SAMMSON: variants seen among roughly 807,000 people sequenced by gnomAD.
The protein encoded by SAMMSON is survival associated mitochondrial melanoma specific oncogenic non-coding RNA, also known as long intergenic non-protein coding RNA 1212.
chr3:70,023,482 A>T (rs897576075), intron 3 of SAMMSON, among the ~76,000 whole-genome samples: 7 of 151,524 alleles, frequency 4.6e-5, no homozygotes, highest in African/African-American at 1.2e-4. Flanking sequence ...AAGTTTCTTT[A>T]TTTCTTTATA....
intron 7 of SAMMSON, among the ~76,000 whole-genome samples, chr3:70,342,472 G>A (rs1402793990): frequency 5.9e-5 from 9 of 152,190 alleles, no homozygotes; most frequent in Admixed American, 5.9e-4. Flanking sequence ...GTGTACACCA[G>A]TGTAGTTGGC....
chr3:70,206,824 C>G (rs1003405608), intron 4 of SAMMSON: 2 of 397,068 alleles, frequency 5.0e-6, no homozygotes, highest in Non-Finnish European at 8.9e-6. Flanking sequence ...ATACAGAAAC[C>G]CACTATGGTT....
intron 6 of SAMMSON, among the ~76,000 whole-genome samples, chr3:70,257,084 G>A (rs974319477): frequency 1.3e-5 from 2 of 152,246 alleles, no homozygotes; most frequent in East Asian, 1.9e-4. Flanking sequence ...TGAAAAATGA[G>A]AGAGGATATT....
chr3:70,279,983 A>G (rs1227599794), intron 6 of SAMMSON, among the ~76,000 whole-genome samples: 1 of 152,148 alleles, frequency 6.6e-6, no homozygotes, highest in Non-Finnish European at 1.5e-5. Flanking sequence ...AACAAAGTAC[A>G]ACCTTGGTGG....
At chr3:70,154,119 G>C (rs2067582571) in intron 4 of SAMMSON, among the ~76,000 whole-genome samples, 1 of 151,530 alleles carries the variant, frequency 6.6e-6, no homozygotes, top group Non-Finnish European at 1.5e-5. Context: ...CACAGTGTTA[G>C]GGGCTATTTA....
At chr3:70,021,962 G>A (rs563152231) in intron 3 of SAMMSON, among the ~76,000 whole-genome samples, 29 of 152,190 alleles carry the variant, frequency 1.9e-4, no homozygotes, top group African/African-American at 7.0e-4. Context: ...TTATCAAGGG[G>A]AAGAAAGACT....
rs369236121 is a variant in SAMMSON at position 70,243,208 on chromosome 3, T to A, written n.508-5899T>A. The stretch of plus-strand genomic sequence containing the variant: ...ACATCTTGTTAAGGTCTGTTGAGGA[T>A]TGGGGGCTGTGACACAATTTTCTTG... On this transcript the variant is annotated intron_variant and non_coding_transcript_variant, in intron 4 of 9. Transcript: ENST00000642114. 9.2e-5 allele frequency among the ~76,000 whole-genome samples: 14 copies of A among 152,088 alleles called. No individual in the cohort carries two copies. In the East Asian group the frequency reaches 2.1e-3, roughly 23 times the overall value.
intron 2 of SAMMSON, among the ~76,000 whole-genome samples, chr3:70,415,649 T>C (rs1701258886): frequency 6.6e-6 from 1 of 152,202 alleles, no homozygotes; most frequent in Non-Finnish European, 1.5e-5. Flanking sequence ...AATTGTCAGG[T>C]GAGGTCAATC....
chr3:70,130,962 T>C (rs2067480155), intron 4 of SAMMSON, among the ~76,000 whole-genome samples: 1 of 152,176 alleles, frequency 6.6e-6, no homozygotes, highest in South Asian at 2.1e-4. Context: ...GGTTTTGGGA[T>C]AGTTTATTAT....
At chr3:70,034,299 T>A (rs371446913) in intron 3 of SAMMSON, among the ~76,000 whole-genome samples, 10 of 152,188 alleles carry the variant, frequency 6.6e-5, no homozygotes, top group East Asian at 3.8e-4. Flanking sequence ...GTGTATGAAG[T>A]TTGACTGTCT....
chr3:70,079,276 A>G (rs889119296), intron 4 of SAMMSON, among the ~76,000 whole-genome samples: 4 of 152,170 alleles, frequency 2.6e-5, no homozygotes, highest in Non-Finnish European at 4.4e-5. Flanking sequence ...ATCTCTTCTT[A>G]ACTCTAGGTC....
intron 3 of SAMMSON, among the ~76,000 whole-genome samples, chr3:70,021,022 T>G (rs2067011178): frequency 6.6e-6 from 1 of 152,194 alleles, no homozygotes; most frequent in African/African-American, 2.4e-5. Context: ...GAGATTATGA[T>G]GCCATAGCTT....
chr3:70,042,061 C>T (rs1438577137), intron 3 of SAMMSON, among the ~76,000 whole-genome samples: 1 of 152,066 alleles, frequency 6.6e-6, no homozygotes, highest in Admixed American at 6.6e-5. Flanking sequence ...CTCTGAACTT[C>T]ATTCGACACT....
chr3:70,123,062 A>C (rs1348727094), intron 4 of SAMMSON, among the ~76,000 whole-genome samples: 1 of 152,180 alleles, frequency 6.6e-6, no homozygotes, highest in Non-Finnish European at 1.5e-5. Context: ...TCCTAGATAA[A>C]TAGTTACAGC....
intron 4 of SAMMSON, among the ~76,000 whole-genome samples, chr3:70,186,002 T>A (rs1269608948): frequency 6.6e-6 from 1 of 151,972 alleles, no homozygotes; most frequent in East Asian, 1.9e-4. Context: ...ACAAAAATTT[T>A]ATGCCATAGT....
intron 4 of SAMMSON, among the ~76,000 whole-genome samples, chr3:70,181,896 T>G (rs987325915): frequency 7.2e-5 from 11 of 152,160 alleles, no homozygotes; most frequent in African/African-American, 2.7e-4. Context: ...TAATTGGCGA[T>G]TTAGTATCAG....
chr3:70,329,014 T>G (rs1017315004), intron 7 of SAMMSON, among the ~76,000 whole-genome samples: 5 of 152,246 alleles, frequency 3.3e-5, no homozygotes, highest in African/African-American at 1.2e-4. Context: ...AGAAGACAGT[T>G]GTGCAACTTT....
chr3:70,190,797 A>G (rs1478048471), intron 4 of SAMMSON, among the ~76,000 whole-genome samples: 1 of 152,172 alleles, frequency 6.6e-6, no homozygotes, highest in Non-Finnish European at 1.5e-5. Flanking sequence ...CATCCCTTAG[A>G]ATACCATCTT....
intron 4 of SAMMSON, among the ~76,000 whole-genome samples, chr3:70,177,718 A>C (rs1701018343): frequency 6.6e-6 from 1 of 152,174 alleles, no homozygotes; most frequent in South Asian, 2.1e-4. Flanking sequence ...CCCATGAGGA[A>C]GATTCCATTA....
Sources: gnomAD v4.1 joint callset for allele counts (sites outside exome capture counted in the v4.1 genomes callset) on GRCh38, gnomAD v4.1.1 for gene constraint, MANE v1.5 for transcripts, NCBI Gene and HGNC (gene_info 2026-07-23, HGNC 2026-07-21) for gene names.